The following GSE1 variants were observed in gnomAD, a reference collection of about 807,000 sequenced individuals.
GSE1 encodes the protein Gse1 coiled-coil protein, also known as genetic suppressor element 1.
Under a neutral mutation model 112.6 loss-of-function variants are expected in GSE1, and 32 were observed. The ratio of observed to expected loss-of-function variants is 0.28; its 90% CI spans 0.21 to 0.38. GSE1 has a LOEUF of 0.38. Among genes scored for constraint, GSE1 ranks in the 10% least tolerant of loss-of-function variants. The probability of loss-of-function intolerance (pLI) is 1.00; values close to 1 mark genes in which losing one functional copy is unlikely to be tolerated. For synonymous variants in GSE1, 1,115 were observed against 735.6 expected, an observed-to-expected ratio of 1.52 and a Z score of -8.35; for missense variants, 2,348 against 1,699.2, an observed-to-expected ratio of 1.38 and a Z score of -6.71.
rs1233476535 is a variant in GSE1 at position 85,675,562 on chromosome 16, G to C, written c.*3023G>C. ...GAGTATTCAGAGAGCATCAAAAGGAGCCCACACCTTCAGCAGTGAAGGATT... is the reference window on the plus strand; with the variant it reads ...GAGTATTCAGAGAGCATCAAAAGGACCCCACACCTTCAGCAGTGAAGGATT... On this transcript the variant is annotated 3_prime_UTR_variant, in exon 16 of 16. Transcript: ENST00000253458. 6.6e-6 allele frequency: 1 copy of C among 152,200 alleles called. No homozygotes were observed. The allele number at this position is 152,200 out of a possible 1,614,324, so 9.4% of individuals were successfully genotyped here. A position where few individuals can be genotyped will look rare whatever the true frequency, so the allele number is the denominator to read the frequency against.
intron 14 of GSE1, among the ~76,000 whole-genome samples, 184 bp downstream of exon 14, chr16:85,668,608 C>T (rs1346955009): frequency 6.6e-6 from 1 of 152,188 alleles, no homozygotes; most frequent in Non-Finnish European, 1.5e-5. Context: ...CATGCTGGAA[C>T]CTGAGGCCAG....
At chr16:85,365,764 G>A (rs57019046) in intron 2 of GSE1, among the ~76,000 whole-genome samples, 2,087 of 152,382 alleles carry the variant, frequency 0.014, 56 homozygotes, top group African/African-American at 0.048. Flanking sequence ...TTCTAGCCAT[G>A]TGTTGAAATC....
chr16:85,501,825 C>T (rs2051378378), intron 2 of GSE1, among the ~76,000 whole-genome samples: 1 of 152,356 alleles, frequency 6.6e-6, no homozygotes, highest in South Asian at 2.1e-4. Flanking sequence ...GGGAACCCAG[C>T]CCCGACAGGG....
At chr16:85,656,866 C>T (rs2052003930) in intron 7 of GSE1, among the ~76,000 whole-genome samples, 1 of 152,248 alleles carries the variant, frequency 6.6e-6, no homozygotes, top group African/African-American at 2.4e-5. Flanking sequence ...TAGCTGACCC[C>T]AGGAGGACAG....
In GSE1 at chr16:85,661,298, G is replaced by A. The variant is rs765572774; in HGVS notation, c.1793G>A (p.Arg598Gln). The change falls in exon 9 of 16, where the codon CGG becomes CAG. Residue 598 changes from arginine to glutamine, a missense_variant. Transcript: ENST00000253458. ...CTGATGGACAACACCTTGGAGACGC[G>A]GCGGGCCGAAAGCCACTCTCTGCAC... is the stretch of plus-strand genomic sequence containing the variant. ...VSLMDNTLET[R>Q]RAESHSLHSH... The A allele has an allele frequency of 1.5e-5, 24 of 1,612,810 alleles. No individual in the cohort carries two copies. In the East Asian group the frequency reaches 3.1e-4, roughly 21 times the overall value.
At chr16:85,493,319 A>G (rs1352947656) in intron 2 of GSE1, among the ~76,000 whole-genome samples, 1 of 151,966 alleles carries the variant, frequency 6.6e-6, no homozygotes, top group Non-Finnish European at 1.5e-5. Flanking sequence ...AGGGTGGTGC[A>G]CATCTGTAGT....
At chr16:85,248,138 C>T (rs894051884) in intron 1 of GSE1, among the ~76,000 whole-genome samples, 4 of 152,204 alleles carry the variant, frequency 2.6e-5, no homozygotes, top group African/African-American at 9.7e-5. Context: ...GGGCAGGACC[C>T]TGCTGCTCAT....
chr16:85,557,103 C>T (rs1324311385), intron 1 of GSE1, among the ~76,000 whole-genome samples: 1 of 151,980 alleles, frequency 6.6e-6, no homozygotes, highest in Non-Finnish European at 1.5e-5. Flanking sequence ...GATTTCTAAA[C>T]CTTAAAAAAA....
At chr16:85,367,046 T>A (rs1432936844) in intron 2 of GSE1, among the ~76,000 whole-genome samples, 1 of 152,224 alleles carries the variant, frequency 6.6e-6, no homozygotes, top group Non-Finnish European at 1.5e-5. Context: ...TTGGCCCGCC[T>A]GGCCACCACC....
chr16:85,549,398 G>A (rs866213749), intron 2 of GSE1, among the ~76,000 whole-genome samples: 2 of 151,928 alleles, frequency 1.3e-5, no homozygotes, highest in African/African-American at 2.4e-5. Context: ...GCTGGTCTTG[G>A]AACTCCTGGG....
At chr16:85,471,679 A>T (rs975407065) in intron 2 of GSE1, among the ~76,000 whole-genome samples, 3 of 151,966 alleles carry the variant, frequency 2.0e-5, no homozygotes, top group Non-Finnish European at 4.4e-5. Context: ...TACAAGGATT[A>T]CAGACATGAG....
chr16:85,646,438 G>A (rs1343428379), intron 2 of GSE1, among the ~76,000 whole-genome samples: 3 of 152,266 alleles, frequency 2.0e-5, no homozygotes, highest in East Asian at 3.8e-4. Context: ...GGTGCTGCTG[G>A]TGGGTGGACA....
intron 1 of GSE1, among the ~76,000 whole-genome samples, chr16:85,258,348 G>A (rs148597474): frequency 0.021 from 3,176 of 152,316 alleles, 55 homozygotes; most frequent in Non-Finnish European, 0.029. Context: ...TCCTGGCTCC[G>A]CACCCCTGGG....
chr16:85,661,104 G>C (rs761673809), intron 8 of GSE1, 42 bp from the exon 9 acceptor site: 2 of 1,522,072 alleles, frequency 1.3e-6, no homozygotes, highest in Non-Finnish European at 1.8e-6. Context: ...GATGACTGAA[G>C]GGTCTTTTCT....
intron 2 of GSE1, among the ~76,000 whole-genome samples, chr16:85,375,883 G>A (rs111696457): frequency 1.1e-3 from 164 of 152,318 alleles, no homozygotes; most frequent in African/African-American, 3.6e-3. Context: ...GCTCTCGTGC[G>A]CATGTCAACT....
chr16:85,389,264 A>G (rs1423103638), intron 2 of GSE1, among the ~76,000 whole-genome samples: 1 of 152,162 alleles, frequency 6.6e-6, no homozygotes, highest in East Asian at 1.9e-4. Context: ...GATCGAGACC[A>G]TCCTGGCCAA....
rs573439656 is a variant in GSE1, at chr16:85,571,077, T to G, written c.37+14714T>G. Among the ~76,000 whole-genome samples, 351 of 152,310 alleles carry G rather than the reference T, an allele frequency of 2.3e-3. 1 individual carries two copies. The highest frequency in any genetic ancestry group is 8.0e-3 in the African/African-American group (332 of 41,568). On this transcript the variant is annotated intron_variant, in intron 1 of 2. Transcript: ENST00000635906. ...TCTCAGCATGCCACAAACTGTACTG[T>G]GTACTCCAGTGACCCGGATCTTGCT... is the stretch of plus-strand genomic sequence containing the variant.
At chr16:85,206,921 G>A (rs1275093323) in intron 1 of GSE1, among the ~76,000 whole-genome samples, 1 of 152,068 alleles carries the variant, frequency 6.6e-6, no homozygotes, top group Admixed American at 6.5e-5. Flanking sequence ...AGAGGGGTGG[G>A]CCAGCGCCGG....
intron 1 of GSE1, among the ~76,000 whole-genome samples, chr16:85,198,583 T>C (rs1251598501): frequency 6.6e-6 from 1 of 151,776 alleles, no homozygotes; most frequent in East Asian, 1.9e-4. Flanking sequence ...CTGGCCAGAG[T>C]CTGGGGCTGG....
Sources: allele counts gnomAD v4.1 joint callset (sites outside exome capture counted in the v4.1 genomes callset), GRCh38; gene constraint gnomAD v4.1.1; transcripts MANE v1.5; gene names NCBI Gene and HGNC (gene_info 2026-07-23, HGNC 2026-07-21).